SH3RF3: variants seen among roughly 807,000 people sequenced by gnomAD.
SH3RF3 encodes the protein SH3 domain containing ring finger 3.
In SH3RF3, 29 loss-of-function variants were observed where a neutral mutation model predicts 66.3. The ratio of observed to expected loss-of-function variants is 0.44; its 90% CI spans 0.33 to 0.60. The LOEUF is 0.60. Among genes scored for constraint, SH3RF3 ranks in the 20% least tolerant of loss-of-function variants. SH3RF3 has a pLI of 0.04. For synonymous variants in SH3RF3, 583 were observed against 532.0 expected (o/e 1.10, Z -1.32); for missense variants, 1,194 against 1,190.9 (o/e 1.00, Z -0.04).
At chr2:109,319,314 C>T (rs1202943992) in intron 1 of SH3RF3, among the ~76,000 whole-genome samples, 1 of 152,206 alleles carries the variant, frequency 6.6e-6, no homozygotes, top group East Asian at 1.9e-4. Flanking sequence ...TTTATTTCCC[C>T]TCTTCCTAAG....
At chr2:109,203,364 G>A (rs1357574867) in intron 1 of SH3RF3, among the ~76,000 whole-genome samples, 1 of 152,230 alleles carries the variant, frequency 6.6e-6, no homozygotes, top group African/African-American at 2.4e-5. Context: ...ATGCTGCCCT[G>A]TTGTGAGACG....
chr2:109,416,979 G>T (rs1676743072), intron 4 of SH3RF3, among the ~76,000 whole-genome samples: 1 of 152,106 alleles, frequency 6.6e-6, no homozygotes, highest in Non-Finnish European at 1.5e-5. Flanking sequence ...ACAGTCACAG[G>T]CCATGGTGTT....
chr2:109,306,535 G>A (rs921518278), intron 1 of SH3RF3, among the ~76,000 whole-genome samples: 1 of 152,204 alleles, frequency 6.6e-6, no homozygotes, highest in South Asian at 2.1e-4. Flanking sequence ...ACCTGCCCTT[G>A]TGGATGCTTT....
intron 3 of SH3RF3, among the ~76,000 whole-genome samples, chr2:109,394,212 A>G (rs932971379): frequency 3.9e-5 from 6 of 152,236 alleles, no homozygotes; most frequent in Non-Finnish European, 7.3e-5. Context: ...AGAAAATCAC[A>G]TCTAACCTAA....
At position 109,419,514 on chromosome 2, in the gene SH3RF3, C is replaced by G. The variant is rs538600604; in HGVS notation, c.1300-25C>G. ...TGGATGGAGTCTCTGTCTCCTCACT[C>G]CTGTCCCCTCTTGTCTGTTTCCAGG... On this transcript the variant is annotated intron_variant, in intron 4 of 9. Coordinates refer to ENST00000309415, the MANE Select transcript of SH3RF3 (RefSeq NM_001099289.3). 6 of 1,569,358 alleles carry G rather than the reference C, an allele frequency of 3.8e-6. No homozygotes were observed. In the South Asian group the frequency reaches 4.7e-5, roughly 12 times the overall value.
intron 1 of SH3RF3, among the ~76,000 whole-genome samples, chr2:109,171,792 T>C (rs1677790008): frequency 6.6e-6 from 1 of 152,234 alleles, no homozygotes; most frequent in Non-Finnish European, 1.5e-5. Context: ...CCACGCTCAC[T>C]TGCAGCGGGG....
intron 1 of SH3RF3, among the ~76,000 whole-genome samples, chr2:109,286,545 G>A (rs1681034265): frequency 6.6e-6 from 1 of 152,206 alleles, no homozygotes; most frequent in Non-Finnish European, 1.5e-5. Flanking sequence ...CCCAGAGCCA[G>A]GGGTTTGCTC....
chr2:109,345,917 C>G (rs887171307), intron 1 of SH3RF3, among the ~76,000 whole-genome samples: 5 of 152,160 alleles, frequency 3.3e-5, no homozygotes, highest in Admixed American at 6.5e-5. Context: ...GGTAGCACCC[C>G]ACCTTCCGGT....
In SH3RF3 at chr2:109,209,983, G is replaced by GC. The variant is rs138057418; in HGVS notation, c.573+79877dup. Among the ~76,000 whole-genome samples, 1,275 of 152,148 alleles carry GC rather than the reference G, an allele frequency of 8.4e-3. 3 individuals are homozygous for GC. Among genetic ancestry groups the GC allele is most frequent in the Non-Finnish European group, 0.014 (958 of 67,992 alleles). On this transcript the variant is annotated intron_variant, in intron 1 of 9. Coordinates refer to ENST00000309415, the MANE Select transcript of SH3RF3 (RefSeq NM_001099289.3). Reference sequence around the variant, plus strand: ...TTAAACACGAACTCCTCCACGCTCAGCCCCCCCAGTAACCTCTGTTATACT... The same window carrying GC: ...TTAAACACGAACTCCTCCACGCTCAGCCCCCCCCAGTAACCTCTGTTATACT...
At chr2:109,350,941 G>A (rs963898397) in intron 2 of SH3RF3, among the ~76,000 whole-genome samples, 2 of 152,234 alleles carry the variant, frequency 1.3e-5, no homozygotes, top group African/African-American at 4.8e-5. Flanking sequence ...CAGACTGATG[G>A]AGTTTAAATT....
intron 1 of SH3RF3, among the ~76,000 whole-genome samples, chr2:109,176,651 C>T (rs957018970): frequency 2.6e-5 from 4 of 152,128 alleles, no homozygotes; most frequent in South Asian, 2.1e-4. Context: ...GCAGGAGAAT[C>T]GCTTGAACCT....
At chr2:109,315,416 C>G (rs1322662212) in intron 1 of SH3RF3, among the ~76,000 whole-genome samples, 1 of 152,230 alleles carries the variant, frequency 6.6e-6, no homozygotes, top group Non-Finnish European at 1.5e-5. Flanking sequence ...GTCCCTATCT[C>G]TGTAGGATAG....
chr2:109,410,713 G>A (rs957663205), intron 4 of SH3RF3, among the ~76,000 whole-genome samples: 1 of 152,216 alleles, frequency 6.6e-6, no homozygotes, highest in Non-Finnish European at 1.5e-5. Flanking sequence ...ATCCTGGCAG[G>A]TATCCATTAT....
intron 1 of SH3RF3, among the ~76,000 whole-genome samples, chr2:109,343,758 T>C (rs1482396907): frequency 6.6e-6 from 1 of 151,396 alleles, no homozygotes; most frequent in Admixed American, 6.6e-5. Flanking sequence ...TTTTTTTTTT[T>C]CTTAGACACA....
chr2:109,141,486 G>A (rs1459100609), intron 1 of SH3RF3: 1 of 154,954 alleles, frequency 6.5e-6, no homozygotes, highest in Non-Finnish European at 1.5e-5. Flanking sequence ...GCCTTTCCCA[G>A]TGACCAGGCC....
intron 1 of SH3RF3, among the ~76,000 whole-genome samples, chr2:109,255,831 C>A (rs1209929757): frequency 6.6e-6 from 1 of 152,164 alleles, no homozygotes; most frequent in African/African-American, 2.4e-5. Context: ...TTTTAATAGG[C>A]CGAGTTTTCA....
chr2:109,488,006 T>C (rs1264120053), intron 8 of SH3RF3, among the ~76,000 whole-genome samples: 1 of 152,078 alleles, frequency 6.6e-6, no homozygotes, highest in Non-Finnish European at 1.5e-5. Context: ...GAAACAGAAG[T>C]GGGCAGAGAA....
intron 7 of SH3RF3, among the ~76,000 whole-genome samples, chr2:109,448,012 G>A (rs1276108808): frequency 4.6e-5 from 7 of 152,142 alleles, no homozygotes; most frequent in Admixed American, 3.9e-4. Context: ...TGGGAGAAAC[G>A]TCTGCTGCTT....
At chr2:109,134,330 GA>G (rs1418687412) in intron 1 of SH3RF3, among the ~76,000 whole-genome samples, 8 of 152,160 alleles carry the variant, frequency 5.3e-5, no homozygotes, top group African/African-American at 1.9e-4. Context: ...GACTCCAGAG[GA>G]AAAGGCTGGC....
Sources: allele counts gnomAD v4.1 joint callset (sites outside exome capture counted in the v4.1 genomes callset), GRCh38; gene constraint gnomAD v4.1.1; transcripts MANE v1.5; gene names NCBI Gene and HGNC (gene_info 2026-07-23, HGNC 2026-07-21).